The following RASAL2 variants were observed in gnomAD, a reference collection of about 807,000 sequenced individuals.
RASAL2 encodes the protein ras GTPase-activating protein nGAP.
In RASAL2, 58 loss-of-function variants were observed where a neutral mutation model predicts 128.9. The ratio of observed to expected loss-of-function variants is 0.45; its 90% CI spans 0.36 to 0.56. RASAL2 has a LOEUF of 0.56. Ranked by LOEUF, RASAL2 falls within the 20% of genes least tolerant of loss-of-function variation. The pLI, the probability that RASAL2 is intolerant of heterozygous loss-of-function variation, is 0.00. For missense variants in RASAL2, 1,360 were observed against 1,601.6 expected (o/e 0.85, Z 2.57); for synonymous variants, 561 against 580.8 (o/e 0.97, Z 0.49).
At chr1:178,265,912 C>T (rs1291513365) in intron 1 of RASAL2, among the ~76,000 whole-genome samples, 5 of 152,168 alleles carry the variant, frequency 3.3e-5, no homozygotes, top group Non-Finnish European at 5.9e-5. Flanking sequence ...TTGTGAGAGT[C>T]AAACATATTG....
chr1:178,212,264 A>C (rs1470958582), intron 1 of RASAL2, among the ~76,000 whole-genome samples: 1 of 152,226 alleles, frequency 6.6e-6, no homozygotes, highest in Non-Finnish European at 1.5e-5. Flanking sequence ...ATATATATTT[A>C]AGGAATGAAT....
At chr1:178,134,620 T>G (rs924868224) in intron 1 of RASAL2, among the ~76,000 whole-genome samples, 2 of 152,164 alleles carry the variant, frequency 1.3e-5, no homozygotes, top group Non-Finnish European at 2.9e-5. Context: ...TTTCAGCTGG[T>G]TCATTTTACA....
intron 1 of RASAL2, among the ~76,000 whole-genome samples, chr1:178,272,899 T>A (rs148562630): frequency 1.6e-4 from 25 of 152,088 alleles, no homozygotes; most frequent in African/African-American, 5.5e-4. Flanking sequence ...ACCATTGCAC[T>A]GCAGCCTGGG....
At chr1:178,460,387 T>TAAATAGCC (rs1304134871) in intron 14 of RASAL2, among the ~76,000 whole-genome samples, 1 of 152,206 alleles carries the variant, frequency 6.6e-6, no homozygotes, top group Non-Finnish European at 1.5e-5. Flanking sequence ...TATTATAAAT[T>TAAATAGCC]AAATAGCCTT....
chr1:178,390,101 G>C lies in RASAL2; in HGVS notation c.459G>C (p.Glu153Asp), dbSNP rs950690151. ...TTCAACTTTCCTCCTTTTTTCCAGA[G>C]GTACCAGCAGAAAGGTCCCCTCGTA... ...EYPPEGATKL[E>D]VPAERSPRRR... The change falls in exon 4 of 18, where the codon GAG becomes GAC. Residue 153 changes from glutamate (E) to aspartate (D), a missense_variant and splice_region_variant. By Grantham distance (45) the Glu-to-Asp change is conservative (BLOSUM62 2). Transcript: ENST00000367649. The C allele has an allele frequency of 8.8e-6, 14 of 1,595,860 alleles. No homozygotes were observed. The highest frequency in any genetic ancestry group is 1.2e-5 in the Non-Finnish European group (14 of 1,172,814).
intron 1 of RASAL2, among the ~76,000 whole-genome samples, chr1:178,102,115 A>G (rs1325392890): frequency 6.6e-6 from 1 of 152,122 alleles, no homozygotes; most frequent in East Asian, 1.9e-4. Context: ...TGAATTTCAT[A>G]TATGATGCTT....
At chr1:178,148,295 T>C (rs1660797966) in intron 1 of RASAL2, among the ~76,000 whole-genome samples, 1 of 152,040 alleles carries the variant, frequency 6.6e-6, no homozygotes, top group Non-Finnish European at 1.5e-5. Flanking sequence ...TTGACCCCTG[T>C]GGGGCAAGTT....
In RASAL2 at chr1:178,458,155, A is replaced by T. The variant is rs1677913385; in HGVS notation, c.2863A>T (p.Ser955Cys). 6.2e-7 allele frequency: 1 copy of T among 1,614,250 alleles called. No individual in the cohort carries two copies. Among genetic ancestry groups the T allele is most frequent in the Non-Finnish European group, 8.5e-7 (1 of 1,180,040 alleles). Residue 955 changes from serine to cysteine, a missense_variant, in exon 14 of 18, where the codon AGC becomes TGC. By Grantham distance (112) the Ser-to-Cys change is moderately radical (BLOSUM62 -1). Coordinates refer to ENST00000367649, the MANE Select transcript of RASAL2 (RefSeq NM_170692.4). ...LENLSTASSR[S>C]QSNSEDFKLS... ...GAACCTAAGCACTGCCAGTTCCAGA[A>T]GCCAAAGTAACAGTGAAGACTTCAA...
chr1:178,256,100 G>T (rs1007812007), intron 1 of RASAL2, among the ~76,000 whole-genome samples: 1 of 152,146 alleles, frequency 6.6e-6, no homozygotes, highest in South Asian at 2.1e-4. Flanking sequence ...AGAAATAGAG[G>T]GGCATCCTCA....
intron 3 of RASAL2, among the ~76,000 whole-genome samples, chr1:178,347,901 C>T (rs887214206): frequency 3.3e-5 from 5 of 152,168 alleles, no homozygotes; most frequent in Admixed American, 6.5e-5. Context: ...TGAAACTACC[C>T]AAATGCTCAT....
intron 3 of RASAL2, among the ~76,000 whole-genome samples, chr1:178,379,165 A>G (rs1412511200): frequency 6.6e-6 from 1 of 152,184 alleles, no homozygotes; most frequent in Non-Finnish European, 1.5e-5. Context: ...AGAAAAATGT[A>G]ACTTAAAATT....
chr1:178,294,132 G>A (rs575445812), intron 2 of RASAL2, among the ~76,000 whole-genome samples: 11 of 152,302 alleles, frequency 7.2e-5, no homozygotes, highest in African/African-American at 2.4e-4. Context: ...AAAATCTGGT[G>A]TACTATATTA....
chr1:178,268,728 G>A (rs745895543), intron 1 of RASAL2, among the ~76,000 whole-genome samples: 1 of 152,120 alleles, frequency 6.6e-6, no homozygotes, highest in Non-Finnish European at 1.5e-5. Context: ...TGAGTAGCTA[G>A]GACGACAGGC....
intron 1 of RASAL2, among the ~76,000 whole-genome samples, chr1:178,204,437 C>T (rs1460686435): frequency 6.6e-6 from 1 of 152,164 alleles, no homozygotes; most frequent in Non-Finnish European, 1.5e-5. Context: ...TATACTAACA[C>T]TATTCATCTC....
Position 178,175,337 on chromosome 1 carries a change from G to A in RASAL2, c.202+80643G>A, listed in dbSNP as rs74128872. Among the ~76,000 whole-genome samples the A allele has an allele frequency of 5.6e-3, 855 of 151,764 alleles. 11 individuals are homozygous for A. Among genetic ancestry groups the A allele is most frequent in the African/African-American group, 0.019 (798 of 41,404 alleles). On this transcript the variant is annotated intron_variant, in intron 1 of 17. Transcript: ENST00000367649. Reference sequence around the variant, plus strand: ...GGTTTATGATGAAAGGGAGATCTACGTCTTCTAACCTAGACTTCCAAATTT... The same window carrying A: ...GGTTTATGATGAAAGGGAGATCTACATCTTCTAACCTAGACTTCCAAATTT...
At chr1:178,151,821 T>G (rs1024812505) in intron 1 of RASAL2, among the ~76,000 whole-genome samples, 1 of 152,216 alleles carries the variant, frequency 6.6e-6, no homozygotes, top group Non-Finnish European at 1.5e-5. Flanking sequence ...CTTGTGTTGT[T>G]CTTTCTGGAG....
chr1:178,443,997 AT>A (rs1447262706), intron 8 of RASAL2, among the ~76,000 whole-genome samples: 2 of 152,140 alleles, frequency 1.3e-5, no homozygotes, highest in Non-Finnish European at 2.9e-5. Context: ...ATTTCTTGAT[AT>A]GTCGGAATAT....
At chr1:178,202,294 C>T (rs924195531) in intron 1 of RASAL2, among the ~76,000 whole-genome samples, 3 of 152,208 alleles carry the variant, frequency 2.0e-5, no homozygotes, top group African/African-American at 7.2e-5. Flanking sequence ...ATGGTTTTCA[C>T]TCCTGCCACC....
intron 1 of RASAL2, among the ~76,000 whole-genome samples, chr1:178,248,989 A>G (rs957633196): frequency 1.3e-5 from 2 of 151,910 alleles, no homozygotes; most frequent in Non-Finnish European, 2.9e-5. Context: ...CTTCATTTCA[A>G]CTTTGGAGAA....
Sources: allele counts gnomAD v4.1 joint callset (sites outside exome capture counted in the v4.1 genomes callset), GRCh38; gene constraint gnomAD v4.1.1; transcripts MANE v1.5; gene names NCBI Gene and HGNC (gene_info 2026-07-23, HGNC 2026-07-21).